Variants in IQSEC1 observed in about 807,000 individuals in gnomAD.
IQSEC1 encodes the protein IQ motif and SEC7 domain-containing protein 1.
In IQSEC1, 31 loss-of-function variants were observed where a neutral mutation model predicts 91.0. That is an observed-to-expected ratio of 0.34 (90% CI 0.26 to 0.46). The LOEUF is 0.46. Among genes scored for constraint, IQSEC1 ranks in the 20% least tolerant of loss-of-function variants. The pLI, the probability that IQSEC1 is intolerant of heterozygous loss-of-function variation, is 1.00. For synonymous variants in IQSEC1, 699 were observed against 662.6 expected (o/e 1.05, Z -0.84); for missense variants, 1,388 against 1,575.6 (o/e 0.88, Z 2.02).
At chr3:13,236,906 T>C (rs357120) in intron 1 of IQSEC1, among the ~76,000 whole-genome samples, 119,866 of 152,114 alleles carry the variant, frequency 0.79, 47,463 homozygotes, top group East Asian at 0.94. Context: ...AATGCCCCCC[T>C]CCAGCCAGGT....
intron 1 of IQSEC1, among the ~76,000 whole-genome samples, chr3:13,281,848 G>A (rs984884382): frequency 6.6e-6 from 1 of 152,208 alleles, no homozygotes; most frequent in Non-Finnish European, 1.5e-5. Flanking sequence ...AAGACAGAGA[G>A]GCAGAGGGGC....
intron 1 of IQSEC1, among the ~76,000 whole-genome samples, chr3:13,275,385 C>T (rs1170082082): frequency 1.3e-5 from 2 of 152,202 alleles, no homozygotes; most frequent in African/African-American, 2.4e-5. Flanking sequence ...TGTCCACCAG[C>T]TCCCTAAAAC....
At position 12,979,829 on chromosome 3, in the gene IQSEC1, G is replaced by A. The variant is rs545007959; in HGVS notation, c.24-37964C>T. Among the ~76,000 whole-genome samples the A allele has an allele frequency of 1.2e-4, 18 of 152,258 alleles. No homozygotes were observed. Among genetic ancestry groups the A allele is most frequent in the Middle Eastern group, 3.4e-3 (1 of 294 alleles). On this transcript the variant is annotated intron_variant, in intron 1 of 13. Transcript: ENST00000613206. The surrounding 1 kb of genome is among the most constrained non-coding windows in gnomAD (Gnocchi z 4.3). ...CTGAGCCTGTGCCTCACCCGGAATC[G>A]TTTCGCGGCCTGGATCTCATACTTC...
chr3:13,134,546 C>T (rs1341899640), intron 2 of IQSEC1, among the ~76,000 whole-genome samples: 6 of 152,242 alleles, frequency 3.9e-5, no homozygotes, highest in Non-Finnish European at 7.3e-5. Context: ...GATGTCTTGG[C>T]ATCCGCAGCG....
chr3:12,915,552 G>T (rs1172556866), intron 7 of IQSEC1, 42 bp downstream of exon 7: 2 of 1,598,302 alleles, frequency 1.3e-6, no homozygotes, highest in East Asian at 2.2e-5. Flanking sequence ...GCCCCGCCCG[G>T]GTGGTGCTGG....
chr3:13,068,934 A>G (rs1051660711), intron 1 of IQSEC1, among the ~76,000 whole-genome samples: 8 of 152,134 alleles, frequency 5.3e-5, no homozygotes, highest in African/African-American at 1.9e-4. Flanking sequence ...GCACCCTCTC[A>G]GTGGTTCCCA....
At chr3:13,159,957 T>C (rs933926607) in intron 2 of IQSEC1, among the ~76,000 whole-genome samples, 1 of 152,134 alleles carries the variant, frequency 6.6e-6, no homozygotes, top group African/African-American at 2.4e-5. Context: ...CATTAGAAGA[T>C]TCACATTTGA....
At chr3:12,915,038 T>G in intron 8 of IQSEC1, 66 bp downstream of exon 8, 1 of 1,522,134 alleles carries the variant, frequency 6.6e-7, no homozygotes, top group South Asian at 1.2e-5. Context: ...GCCGGCGGAC[T>G]GGCTGATGCT....
chr3:12,923,539 C>T (rs1325376094), intron 4 of IQSEC1, among the ~76,000 whole-genome samples: 1 of 152,226 alleles, frequency 6.6e-6, no homozygotes, highest in Admixed American at 6.5e-5. Flanking sequence ...CACACTTAGC[C>T]TCCTGGGTGT....
At chr3:13,182,369 G>A (rs926346877) in intron 1 of IQSEC1, among the ~76,000 whole-genome samples, 6 of 152,192 alleles carry the variant, frequency 3.9e-5, no homozygotes, top group African/African-American at 1.4e-4. Context: ...CCATACTCAC[G>A]AGCCACAATG....
chr3:12,900,451 GTATA>G lies in IQSEC1; in HGVS notation c.*528_*531del, dbSNP rs72408840. 61 of 700,686 alleles carry G rather than the reference GTATA, an allele frequency of 8.7e-5. No individual in the cohort carries two copies. The highest frequency in any genetic ancestry group is 1.3e-4 in the South Asian group (2 of 15,556). The allele number at this position is 700,686 out of a possible 1,614,324, so 43.4% of individuals were successfully genotyped here. A position where few individuals can be genotyped will look rare whatever the true frequency, so the allele number is the denominator to read the frequency against. On this transcript the variant is annotated 3_prime_UTR_variant, in exon 14 of 14. Transcript: ENST00000613206. ...TTCACACACAAGTACTACCTATACA[GTATA>G]TATATATATATATTTATATATTTAT...
Position 13,230,204 on chromosome 3 carries a change from C to T in IQSEC1, c.272+52507G>A, listed in dbSNP as rs1576303094. ...ATGCAGTCTTGTTTACATTATTACCCGAAGAAAGATGGGTGCCCTTTAGAG... is the reference window on the plus strand; with the variant it reads ...ATGCAGTCTTGTTTACATTATTACCTGAAGAAAGATGGGTGCCCTTTAGAG... On this transcript the variant is annotated intron_variant, in intron 1 of 15. Coordinates refer to the IQSEC1 transcript ENST00000648114. Among the ~76,000 whole-genome samples, 4 of 152,186 alleles carry T rather than the reference C, an allele frequency of 2.6e-5. No homozygotes were observed. In the East Asian group the frequency reaches 7.7e-4, roughly 29 times the overall value.
intron 1 of IQSEC1, among the ~76,000 whole-genome samples, chr3:12,958,107 C>T (rs1166278058): frequency 6.6e-6 from 1 of 152,160 alleles, no homozygotes; most frequent in African/African-American, 2.4e-5. Flanking sequence ...CTCTGTGGGG[C>T]CAGCCCACCA....
chr3:13,278,673 GC>G (rs968087176), intron 1 of IQSEC1, among the ~76,000 whole-genome samples: 1 of 152,182 alleles, frequency 6.6e-6, no homozygotes, highest in African/African-American at 2.4e-5. Context: ...ACAAAAATTA[GC>G]CAGGCGTGGT....
At chr3:13,041,142 A>G (rs1020530274) in intron 1 of IQSEC1, among the ~76,000 whole-genome samples, 6 of 151,694 alleles carry the variant, frequency 4.0e-5, no homozygotes, top group Non-Finnish European at 8.8e-5. Context: ...TTAAGTATAT[A>G]AAGTGCCCCA....
intron 1 of IQSEC1, among the ~76,000 whole-genome samples, chr3:13,182,063 T>C (rs750920900): frequency 1.3e-5 from 2 of 152,180 alleles, no homozygotes; most frequent in Non-Finnish European, 1.5e-5. Context: ...TTTTCAGCCA[T>C]TCTTGTTGCC....
intron 2 of IQSEC1, among the ~76,000 whole-genome samples, chr3:13,142,154 C>T (rs984881378): frequency 2.0e-5 from 3 of 152,222 alleles, no homozygotes; most frequent in Admixed American, 6.5e-5. Context: ...GGTGCTGAAG[C>T]GCAGCTCTAT....
intron 3 of IQSEC1, among the ~76,000 whole-genome samples, chr3:12,925,270 G>A (rs1385918017): frequency 2.6e-5 from 4 of 152,198 alleles, no homozygotes; most frequent in South Asian, 2.1e-4. Context: ...GCCTGCCAAC[G>A]GGTAATAACA....
At chr3:13,197,006 G>A (rs938808357) in intron 1 of IQSEC1, among the ~76,000 whole-genome samples, 21 of 152,128 alleles carry the variant, frequency 1.4e-4, no homozygotes, top group Non-Finnish European at 2.8e-4. Context: ...AGTTGAGGAG[G>A]GCTGCAGTTA....
Sources: allele counts gnomAD v4.1 joint callset (sites outside exome capture counted in the v4.1 genomes callset), GRCh38; gene constraint gnomAD v4.1.1; non-coding constraint Gnocchi (gnomAD v3.1); transcripts MANE v1.5; gene names NCBI Gene and HGNC (gene_info 2026-07-23, HGNC 2026-07-21).